Variants in DCHS2 observed in about 807,000 individuals in gnomAD.
The protein encoded by DCHS2 is protocadherin-23.
In DCHS2, 142 loss-of-function variants were observed where a neutral mutation model predicts 182.4. That is an observed-to-expected ratio of 0.78 (90% CI 0.68 to 0.89). The LOEUF (loss-of-function observed/expected upper bound fraction) is 0.89, where lower values mean the gene tolerates loss of function less well. DCHS2 is among the 40% of genes least tolerant of loss of function. The probability of loss-of-function intolerance (pLI) is 0.00; values close to 1 mark genes in which losing one functional copy is unlikely to be tolerated. For synonymous variants in DCHS2, 1,740 were observed against 1,663.3 expected (o/e 1.05, Z -1.12); for missense variants, 4,319 against 4,198.6 (o/e 1.03, Z -0.79).
intron 1 of DCHS2, among the ~76,000 whole-genome samples, chr4:154,475,088 C>T (rs1314912790): frequency 6.6e-6 from 1 of 152,042 alleles, no homozygotes; most frequent in Non-Finnish European, 1.5e-5. Flanking sequence ...ATCACTATTA[C>T]CTTATCCTAA....
At chr4:154,372,037 T>C (rs1730670547) in intron 2 of DCHS2, among the ~76,000 whole-genome samples, 2 of 152,092 alleles carry the variant, frequency 1.3e-5, no homozygotes, top group Non-Finnish European at 1.5e-5. Flanking sequence ...GAGGAGAATA[T>C]GGATAATAAT....
Position 154,255,422 on chromosome 4 carries a change from A to C in DCHS2, c.6941+97T>G, listed in dbSNP as rs1732608068. 3.5e-6 allele frequency: 5 copies of C among 1,445,004 alleles called. No homozygotes were observed. The South Asian group carries it at 8.6e-5, about 25-fold the overall frequency. The allele number at this position is 1,445,004 out of a possible 1,614,324, so 89.5% of individuals were successfully genotyped here. ...GGATCAAAGGGATAACACATTTTACAATAAGCTTACGTAACAGGAAGTTAT... is the reference window on the plus strand; with the variant it reads ...GGATCAAAGGGATAACACATTTTACCATAAGCTTACGTAACAGGAAGTTAT... On this transcript the variant is annotated intron_variant, in intron 16 of 19. Transcript: ENST00000357232.
intron 1 of DCHS2, among the ~76,000 whole-genome samples, chr4:154,460,956 G>A (rs13148992): frequency 0.22 from 34,063 of 152,036 alleles, 4,877 homozygotes; most frequent in East Asian, 0.65. Flanking sequence ...ATCACTGTAT[G>A]CCATTGTTCC....
At chr4:154,321,943 C>T (rs1736075165) in intron 8 of DCHS2, among the ~76,000 whole-genome samples, 1 of 151,972 alleles carries the variant, frequency 6.6e-6, no homozygotes. Flanking sequence ...AAAAAAATTA[C>T]AAAAATCTAT....
At chr4:154,274,283 C>G (rs1006860594) in intron 13 of DCHS2, among the ~76,000 whole-genome samples, 4 of 152,078 alleles carry the variant, frequency 2.6e-5, no homozygotes, top group African/African-American at 9.7e-5. Context: ...GGGAAAAACC[C>G]CACTATATTG....
rs547095500 is a variant in DCHS2 at position 154,365,256 on chromosome 4, C to T, written c.2476+954G>A. 2.0e-5 allele frequency among the ~76,000 whole-genome samples: 3 copies of T among 152,232 alleles called. No homozygotes were observed. In the East Asian group the frequency reaches 5.8e-4, roughly 29 times the overall value. ...ACCTAGTACAAAAAAAAAGGATCTA[C>T]TTTGGACGCCTGTAAAAATGTCTTT... On this transcript the variant is annotated intron_variant, in intron 3 of 19. Coordinates refer to ENST00000357232, the MANE Select transcript of DCHS2 (RefSeq NM_001358235.2).
chr4:154,443,202 A>G (rs1734111217), intron 1 of DCHS2, among the ~76,000 whole-genome samples: 1 of 151,854 alleles, frequency 6.6e-6, no homozygotes, highest in African/African-American at 2.4e-5. Flanking sequence ...GTTAAACCCA[A>G]CTCTTCACCT....
At position 154,376,261 on chromosome 4, in the gene DCHS2, C is replaced by CA. The variant is rs201208101; in HGVS notation, c.2244+991dup. On this transcript the variant is annotated intron_variant, in intron 2 of 19. Transcript: ENST00000357232. Reference sequence around the variant, plus strand: ...ATATGTCAATTAAAAAGTTTAACAACAAAAAAAGACAAAGGAATCAAACTG... The same window carrying CA: ...ATATGTCAATTAAAAAGTTTAACAACAAAAAAAAGACAAAGGAATCAAACTG... 7.0e-3 allele frequency among the ~76,000 whole-genome samples: 1,061 copies of CA among 151,762 alleles called. 10 individuals are homozygous for CA. The highest frequency in any genetic ancestry group is 0.011 in the Non-Finnish European group (779 of 67,906).
rs1468416569 is a variant in DCHS2, at chr4:154,235,110, T to A, written c.9542A>T (p.Asn3181Ile). The change falls in exon 20 of 20, where the codon AAT (asparagine) becomes ATT (isoleucine). Residue 3181 changes from asparagine to isoleucine, a missense_variant. Transcript: ENST00000357232. ...CTTCTGAACTGTCTGGGGTAACACA[T>A]TATTTTGAGCACAGGTGGTGCTGCA... ...EGCSTTCAQN[N>I]VLPQTVQKRE... is the part of the protein sequence containing the mutation. 3.7e-6 allele frequency: 6 copies of A among 1,613,840 alleles called. No homozygotes were observed.
At chr4:154,398,372 C>A (rs1182658194) in intron 1 of DCHS2, among the ~76,000 whole-genome samples, 2 of 152,150 alleles carry the variant, frequency 1.3e-5, no homozygotes, top group African/African-American at 4.8e-5. Context: ...CAGAAAGTGT[C>A]CAATGCCTGA....
chr4:154,464,273 C>T (rs1735146344), intron 1 of DCHS2, among the ~76,000 whole-genome samples: 1 of 152,086 alleles, frequency 6.6e-6, no homozygotes, highest in South Asian at 2.1e-4. Flanking sequence ...AAAAACTTTT[C>T]CCTCATTGCT....
At chr4:154,390,825 T>C (rs995795898) in intron 1 of DCHS2, among the ~76,000 whole-genome samples, 1 of 152,316 alleles carries the variant, frequency 6.6e-6, no homozygotes. Context: ...AGAAACCATA[T>C]GTAAACAACA....
intron 1 of DCHS2, among the ~76,000 whole-genome samples, chr4:154,458,999 G>A (rs181248116): frequency 7.4e-4 from 112 of 152,302 alleles, no homozygotes; most frequent in South Asian, 1.9e-3. Context: ...AAATACTACA[G>A]TGATAACTGC....
rs1356499756 is a variant in DCHS2 at position 154,491,451 on chromosome 4, G to A, written c.-96C>T. The A allele has an allele frequency of 4.9e-6, 7 of 1,419,636 alleles. No individual in the cohort carries two copies. The South Asian group carries it at 6.4e-5, about 13-fold the overall frequency. 87.9% of individuals were successfully genotyped at this position (1,419,636 alleles called of 1,614,324 possible). A position where few individuals can be genotyped will look rare whatever the true frequency, so the allele number is the denominator to read the frequency against. On this transcript the variant is annotated 5_prime_UTR_variant, in exon 1 of 20. Coordinates refer to ENST00000357232, the MANE Select transcript of DCHS2 (RefSeq NM_001358235.2). ...GAGCCTCTTCAGTGTCTGAGCCAGA[G>A]AAGAAAAGACTTTGTTTGGCAAACA...
intron 1 of DCHS2, among the ~76,000 whole-genome samples, chr4:154,462,190 C>G (rs1735037453): frequency 6.6e-6 from 1 of 152,148 alleles, no homozygotes; most frequent in African/African-American, 2.4e-5. Context: ...TCTCAAGTTA[C>G]AAATGATACA....
intron 18 of DCHS2, among the ~76,000 whole-genome samples, chr4:154,240,085 T>C (rs1482579395): frequency 1.3e-5 from 2 of 152,176 alleles, no homozygotes; most frequent in Non-Finnish European, 2.9e-5. Flanking sequence ...CCCTTACTTC[T>C]ATAAACATAT....
intron 1 of DCHS2, chr4:154,486,470 T>G (rs1728590489): frequency 7.7e-7 from 1 of 1,304,674 alleles, no homozygotes; most frequent in African/African-American, 1.5e-5. Flanking sequence ...TTTCCTGTAT[T>G]TCCTTTTGTT....
At chr4:154,353,197 C>T (rs1729698393) in intron 3 of DCHS2, among the ~76,000 whole-genome samples, 3 of 152,068 alleles carry the variant, frequency 2.0e-5, no homozygotes, top group East Asian at 1.9e-4. Context: ...CTAGGACACT[C>T]GGGCAAAAGA....
At position 154,233,689 on chromosome 4, in the gene DCHS2, A is replaced by G. The variant is rs1731299306; in HGVS notation, c.*847T>C. ...TTAACCTTTGAAGTTTAATGTCTTT[A>G]CCCACACCTACTTATAAGACAAGAC... On this transcript the variant is annotated 3_prime_UTR_variant, in exon 20 of 20. Coordinates refer to ENST00000357232, the MANE Select transcript of DCHS2 (RefSeq NM_001358235.2). The G allele has an allele frequency of 6.6e-6, 1 of 152,142 alleles. No homozygotes were observed. Among genetic ancestry groups the G allele is most frequent in the Admixed American group, 6.6e-5 (1 of 15,262 alleles). 9.4% of individuals were successfully genotyped at this position (152,142 alleles called of 1,614,324 possible). A position where few individuals can be genotyped will look rare whatever the true frequency, so the allele number is the denominator to read the frequency against.
Sources: allele counts gnomAD v4.1 joint callset (sites outside exome capture counted in the v4.1 genomes callset), GRCh38; gene constraint gnomAD v4.1.1; transcripts MANE v1.5; gene names NCBI Gene and HGNC (gene_info 2026-07-23, HGNC 2026-07-21).